ASCC3: variants seen among roughly 807,000 people sequenced by gnomAD.
ASCC3 encodes activating signal cointegrator 1 complex subunit 3.
Under a neutral mutation model 256.3 loss-of-function variants are expected in ASCC3, and 158 were observed. The observed-to-expected ratio is 0.62, with a 90% confidence interval of 0.54 to 0.70. The LOEUF (loss-of-function observed/expected upper bound fraction) is 0.70, where lower values mean the gene tolerates loss of function less well. Ranked by LOEUF, ASCC3 falls within the 30% of genes least tolerant of loss-of-function variation. The pLI, the probability that ASCC3 is intolerant of heterozygous loss-of-function variation, is 0.00. For missense variants in ASCC3, 2,259 were observed against 2,626.0 expected (o/e 0.86, Z 3.05); for synonymous variants, 948 against 883.4 (o/e 1.07, Z -1.30).
intron 24 of ASCC3, among the ~76,000 whole-genome samples, chr6:100,642,078 A>AG (rs1192021463): frequency 1.1e-4 from 16 of 151,910 alleles, no homozygotes; most frequent in Non-Finnish European, 2.2e-4. Context: ...ACGAGTTAAT[A>AG]GGTGCAGCAC....
intron 36 of ASCC3, among the ~76,000 whole-genome samples, chr6:100,584,533 T>C (rs550570374): frequency 6.6e-6 from 1 of 152,112 alleles, no homozygotes; most frequent in African/African-American, 2.4e-5. Flanking sequence ...GTCTTGACTC[T>C]ATCCAATTTG....
At chr6:100,545,146 T>C (rs1252619525) in intron 36 of ASCC3, among the ~76,000 whole-genome samples, 2 of 152,054 alleles carry the variant, frequency 1.3e-5, no homozygotes, top group Non-Finnish European at 2.9e-5. Flanking sequence ...AAAAGGAGGG[T>C]TACTTTTTCA....
chr6:100,849,479 T>A (rs1772555199), intron 3 of ASCC3, among the ~76,000 whole-genome samples: 1 of 152,180 alleles, frequency 6.6e-6, no homozygotes, highest in South Asian at 2.1e-4. Flanking sequence ...CAAGAAATAC[T>A]TCTATAGTTC....
Position 100,512,698 on chromosome 6 carries a change from A to G in ASCC3, c.6285+11T>C. The G allele has an allele frequency of 6.2e-7, 1 of 1,613,806 alleles. No homozygotes were observed. Among genetic ancestry groups the G allele is most frequent in the Non-Finnish European group, 8.5e-7 (1 of 1,179,686 alleles). ...TGTGAAATATTTGAGAATGGAAACC[A>G]AACACTATACCTTGTGGAACCCAAA... is the stretch of plus-strand genomic sequence containing the variant. On this transcript the variant is annotated intron_variant, in intron 40 of 41. Transcript: ENST00000369162.
At chr6:100,610,448 T>A (rs558717712) in intron 30 of ASCC3, among the ~76,000 whole-genome samples, 39 of 152,224 alleles carry the variant, frequency 2.6e-4, no homozygotes, top group African/African-American at 6.7e-4. Context: ...AGTTTTTTTT[T>A]AATGTGGAAG....
rs56886686 is a variant in ASCC3, at chr6:100,600,205, G to GCACACACACACA, written c.5303+1593_5303+1604dup. On this transcript the variant is annotated intron_variant, in intron 34 of 41. Coordinates refer to ENST00000369162, the MANE Select transcript of ASCC3 (RefSeq NM_006828.4). ...CTCCCATCTATACACACATGCACAT[G>GCACACACACACA]CACACACACACACACACACACACAC... 4.8e-5 allele frequency among the ~76,000 whole-genome samples: 7 copies of GCACACACACACA among 145,872 alleles called. No individual in the cohort carries two copies. The East Asian group carries it at 6.3e-4, about 13-fold the overall frequency.
At chr6:100,629,586 T>A (rs962650265) in intron 26 of ASCC3, among the ~76,000 whole-genome samples, 3 of 152,158 alleles carry the variant, frequency 2.0e-5, no homozygotes, top group Admixed American at 1.3e-4. Context: ...AAGGCATTCA[T>A]TAAGAATATT....
At chr6:100,649,336 C>T (rs1775546452) in intron 20 of ASCC3, among the ~76,000 whole-genome samples, 1 of 151,584 alleles carries the variant, frequency 6.6e-6, no homozygotes, top group South Asian at 2.1e-4. Context: ...AAATGATTAA[C>T]TATTTCAATA....
intron 16 of ASCC3, among the ~76,000 whole-genome samples, chr6:100,661,323 T>TCACACACACACACACACACACACA (rs749963143): frequency 3.2e-4 from 45 of 141,620 alleles, no homozygotes; most frequent in Non-Finnish European, 5.9e-4. Context: ...AACACAAAAG[T>TCACACACACACACACACACACACA]CACACACACA....
chr6:100,667,619 G>A (rs1776546898), intron 14 of ASCC3, among the ~76,000 whole-genome samples: 1 of 152,050 alleles, frequency 6.6e-6, no homozygotes, highest in Non-Finnish European at 1.5e-5. Context: ...AAGTAACCAA[G>A]ACTGGATGAC....
At chr6:100,551,489 T>C (rs966193804) in intron 36 of ASCC3, among the ~76,000 whole-genome samples, 6 of 151,916 alleles carry the variant, frequency 3.9e-5, no homozygotes, top group Admixed American at 3.3e-4. Context: ...CAAATTTGAA[T>C]AGAAAAGGGG....
intron 36 of ASCC3, among the ~76,000 whole-genome samples, chr6:100,551,545 T>A (rs1365133312): frequency 1.3e-5 from 2 of 151,940 alleles, no homozygotes; most frequent in Non-Finnish European, 2.9e-5. Context: ...AGGCTTAATA[T>A]TATTTTTCAA....
chr6:100,848,001 G>T, intron 4 of ASCC3, 147 bp downstream of exon 4: 1 of 729,610 alleles, frequency 1.4e-6, no homozygotes. Flanking sequence ...GTATATACAG[G>T]CCTGCTATGT....
At chr6:100,597,791 T>C (rs1772375043) in intron 34 of ASCC3, among the ~76,000 whole-genome samples, 1 of 105,196 alleles carries the variant, frequency 9.5e-6, no homozygotes, top group Admixed American at 9.8e-5. Flanking sequence ...GCTTACACAG[T>C]GAAACCCCGT....
intron 4 of ASCC3, among the ~76,000 whole-genome samples, chr6:100,809,238 C>T (rs983564320): frequency 1.3e-5 from 2 of 151,796 alleles, no homozygotes; most frequent in African/African-American, 4.8e-5. Context: ...ACTTCATAAA[C>T]TTTACATTTA....
In ASCC3 at chr6:100,589,947, C is replaced by T. The variant is rs1771916144; in HGVS notation, c.5415+1G>A. The stretch of plus-strand genomic sequence containing the variant: ...TTAGAATGCATATGACTAAGTCATA[C>T]CTCTCCAATTTCAATACAGTAGGAA... On this transcript the variant is annotated splice_donor_variant, in intron 35 of 41. Transcript: ENST00000369162. LOFTEE classifies it high-confidence loss of function. 2 of 1,607,664 alleles carry T rather than the reference C, an allele frequency of 1.2e-6. No individual in the cohort carries two copies. The highest frequency in any genetic ancestry group is 1.1e-5 in the South Asian group (1 of 90,936).
intron 4 of ASCC3, among the ~76,000 whole-genome samples, chr6:100,811,623 TA>T (rs562440472): frequency 7.1e-4 from 108 of 151,302 alleles, no homozygotes; most frequent in African/African-American, 2.5e-3. Flanking sequence ...AACCTCGATA[TA>T]AAAAAAAACC....
At chr6:100,666,830 T>A (rs991936323) in intron 14 of ASCC3, among the ~76,000 whole-genome samples, 2 of 151,994 alleles carry the variant, frequency 1.3e-5, no homozygotes, top group Non-Finnish European at 2.9e-5. Context: ...AACAAATTTA[T>A]GAAACATGAT....
chr6:100,839,043 T>C (rs1040616623), intron 4 of ASCC3, among the ~76,000 whole-genome samples: 2 of 152,118 alleles, frequency 1.3e-5, no homozygotes, highest in African/African-American at 4.8e-5. Flanking sequence ...GTTTTACTAA[T>C]AAAATGCATT....
Sources: gnomAD v4.1 joint callset for allele counts (sites outside exome capture counted in the v4.1 genomes callset) on GRCh38, gnomAD v4.1.1 for gene constraint, MANE v1.5 for transcripts, NCBI Gene and HGNC (gene_info 2026-07-23, HGNC 2026-07-21) for gene names.